The following NUDCD2 variants were observed in gnomAD, a reference collection of about 807,000 sequenced individuals.
The protein encoded by NUDCD2 is NudC domain containing 2.
In NUDCD2, 16 loss-of-function variants were observed where a neutral mutation model predicts 20.8. The ratio of observed to expected loss-of-function variants is 0.77; its 90% CI spans 0.52 to 1.17. The LOEUF is 1.17. Ranked by LOEUF, NUDCD2 falls within the 50% of genes most tolerant of loss-of-function variation. The pLI, the probability that NUDCD2 is intolerant of heterozygous loss-of-function variation, is 0.00. For missense variants in NUDCD2, 199 were observed against 193.9 expected (o/e 1.03, Z -0.16); for synonymous variants, 87 against 72.8 (o/e 1.20, Z -1.00).
At chr5:163,459,183 A>G (rs1758405006) in intron 1 of NUDCD2, 1 of 152,232 alleles carries the variant, frequency 6.6e-6, no homozygotes, top group African/African-American at 2.4e-5. Context: ...CTGCCATCAA[A>G]CATCTTGGGC....
In NUDCD2 at chr5:163,459,889, C is replaced by G; in HGVS notation, c.162G>C (p.Leu54=). ...TGAGGATCTCGCGGCCGCCCACCGACAGCGCCACATGCCGGCTCTGGAGGC... is the reference window on the plus strand; with the variant it reads ...TGAGGATCTCGCGGCCGCCCACCGAGAGCGCCACATGCCGGCTCTGGAGGC... The part of the protein sequence containing the change: ...QCGLQSRHVA[L]SVGGREILKG... Residue 54 remains leucine (L), a synonymous_variant, in exon 1 of 4, where the codon CTG becomes CTC. Coordinates refer to ENST00000302764, the MANE Select transcript of NUDCD2 (RefSeq NM_145266.6). The G allele has an allele frequency of 6.2e-7, 1 of 1,607,620 alleles. No individual in the cohort carries two copies. The highest frequency in any genetic ancestry group is 8.5e-7 in the Non-Finnish European group (1 of 1,177,652).
rs1561623275 is a variant in NUDCD2, at chr5:163,447,307, TAGGCATAGTG to T, written c.*6650_*6659del. On this transcript the variant is annotated 3_prime_UTR_variant, in exon 4 of 4. Transcript: ENST00000302764. Reference sequence around the variant, plus strand: ...TCTCTACAAAAAATCAAAAATTAGCTAGGCATAGTGATATACATCTGTAGTCCTAGGTACT... The same window carrying T: ...TCTCTACAAAAAATCAAAAATTAGCTATATACATCTGTAGTCCTAGGTACT... 6.6e-6 allele frequency: 1 copy of T among 152,102 alleles called. No individual in the cohort carries two copies. Among genetic ancestry groups the T allele is most frequent in the Non-Finnish European group, 1.5e-5 (1 of 68,032 alleles). The allele number at this position is 152,102 out of a possible 1,614,324, so 9.4% of individuals were successfully genotyped here.
At chr5:163,455,735 GAAAAA>G (rs80324793) in intron 3 of NUDCD2, among the ~76,000 whole-genome samples, 1 of 108,814 alleles carries the variant, frequency 9.2e-6, no homozygotes, top group Non-Finnish European at 2.0e-5. Flanking sequence ...CTCCATCTCA[GAAAAA>G]AAAAAAAAAA....
intron 3 of NUDCD2, among the ~76,000 whole-genome samples, chr5:163,454,341 TTTA>T (rs968716136): frequency 1.3e-5 from 2 of 152,144 alleles, no homozygotes; most frequent in East Asian, 1.9e-4. Flanking sequence ...TTTTATTTTA[TTTA>T]TTATTATTTT....
chr5:163,458,514 C>G, intron 1 of NUDCD2, among the ~76,000 whole-genome samples: 1 of 152,172 alleles, frequency 6.6e-6, no homozygotes, highest in South Asian at 2.1e-4. Context: ...TTGCTTGACC[C>G]CATGGGTTTG....
Position 163,448,778 on chromosome 5 carries a change from G to C in NUDCD2, c.*5189C>G, listed in dbSNP as rs1421550231. The C allele has an allele frequency of 6.6e-6, 1 of 152,172 alleles. No homozygotes were observed. Among genetic ancestry groups the C allele is most frequent in the Admixed American group, 6.5e-5 (1 of 15,280 alleles). 9.4% of individuals were successfully genotyped at this position (152,172 alleles called of 1,614,324 possible). On this transcript the variant is annotated 3_prime_UTR_variant, in exon 4 of 4. Transcript: ENST00000302764. ...AAGCTGAATAATGTACCATGACCAA[G>C]TTTGGGGTTGGGAGGAAATATAAGC...
intron 3 of NUDCD2, 88 bp downstream of exon 3, chr5:163,456,841 T>C: frequency 1.0e-6 from 1 of 977,488 alleles, no homozygotes. Context: ...TAACTTTTCA[T>C]AATGACATTT....
chr5:163,460,046 G>T lies in NUDCD2; in HGVS notation c.5C>A (p.Ser2Ter), dbSNP rs777000931. 1 of 1,577,734 alleles carries T rather than the reference G, an allele frequency of 6.3e-7. No individual in the cohort carries two copies. The highest frequency in any genetic ancestry group is 1.4e-5 in the African/African-American group (1 of 73,404). The change falls in exon 1 of 4, where the codon TCG (serine) becomes TAG (stop). Residue 2 changes from serine (S) to a stop codon, truncating the protein, a stop_gained. Coordinates refer to ENST00000302764, the MANE Select transcript of NUDCD2 (RefSeq NM_145266.6). LOFTEE classifies it high-confidence loss of function. ...CCCACTCCGCTCCTCAAACGGGGCC[G>T]ACATAATCCAGTCCCTCCCGGCCGC... is the stretch of plus-strand genomic sequence containing the variant. M[S>*]APFEERSGVV... is the part of the protein sequence containing the mutation.
intron 1 of NUDCD2, chr5:163,458,875 A>T (rs1581180859): frequency 6.6e-6 from 1 of 152,244 alleles, no homozygotes; most frequent in East Asian, 1.9e-4. Context: ...CAGAAAAGTA[A>T]CTGAGATCCA....
chr5:163,448,388 C>G lies in NUDCD2; in HGVS notation c.*5579G>C, dbSNP rs1283553678. 2 of 152,084 alleles carry G rather than the reference C, an allele frequency of 1.3e-5. No homozygotes were observed. The highest frequency in any genetic ancestry group is 2.9e-5 in the Non-Finnish European group (2 of 68,016). The allele number at this position is 152,084 out of a possible 1,614,324, so 9.4% of individuals were successfully genotyped here. ...AAGAAAAGATAACAGTATAGATCCT[C>G]ATTAGAACGACACAAAGAAAATACC... On this transcript the variant is annotated 3_prime_UTR_variant, in exon 4 of 4. Coordinates refer to ENST00000302764, the MANE Select transcript of NUDCD2 (RefSeq NM_145266.6).
rs914978468 is a variant in NUDCD2, at chr5:163,451,452, C to CT, written c.*2514dup. 2.0e-5 allele frequency: 3 copies of CT among 152,110 alleles called. No homozygotes were observed. Among genetic ancestry groups the CT allele is most frequent in the African/African-American group, 4.8e-5 (2 of 41,408 alleles). The allele number at this position is 152,110 out of a possible 1,614,324, so 9.4% of individuals were successfully genotyped here. ...TACGGTGATTGAACTCTTCAATACT[C>CT]TGACTGTGGAGGTGTTTACACATAT... On this transcript the variant is annotated 3_prime_UTR_variant, in exon 4 of 4. Transcript: ENST00000302764.
In NUDCD2 at chr5:163,446,701, C is replaced by G. The variant is rs1413089600; in HGVS notation, c.*7266G>C. 1 of 152,032 alleles carries G rather than the reference C, an allele frequency of 6.6e-6. No individual in the cohort carries two copies. The highest frequency in any genetic ancestry group is 1.9e-4 in the East Asian group (1 of 5,196). The allele number at this position is 152,032 out of a possible 1,614,324, so 9.4% of individuals were successfully genotyped here. A position where few individuals can be genotyped will look rare whatever the true frequency, so the allele number is the denominator to read the frequency against. On this transcript the variant is annotated 3_prime_UTR_variant, in exon 4 of 4. Transcript: ENST00000302764. ...AAACCAAAAAACAGTAAACATGAGT[C>G]AAGATGAATTAAAAGATAAGCCAAT... is the stretch of plus-strand genomic sequence containing the variant.
rs1241082286 is a variant in NUDCD2, at chr5:163,453,255, A to G, written c.*712T>C. On this transcript the variant is annotated 3_prime_UTR_variant, in exon 4 of 4. Transcript: ENST00000302764. ...AAATGTCTATAGACAATTCCTACCT[A>G]TATGCCTAAATCACTTACAATCAAA... 1 of 152,212 alleles carries G rather than the reference A, an allele frequency of 6.6e-6. No individual in the cohort carries two copies. Among genetic ancestry groups the G allele is most frequent in the Non-Finnish European group, 1.5e-5 (1 of 68,022 alleles). The allele number at this position is 152,212 out of a possible 1,614,324, so 9.4% of individuals were successfully genotyped here.
In NUDCD2 at chr5:163,453,984, A is replaced by G; in HGVS notation, c.457T>C (p.Ser153Pro). 1 of 1,540,316 alleles carries G rather than the reference A, an allele frequency of 6.5e-7. No homozygotes were observed. The highest frequency in any genetic ancestry group is 1.3e-5 in the South Asian group (1 of 78,298). ...GNYTKGGPDFSNLEK is the reference protein window; with the variant it reads ...GNYTKGGPDFPNLEK ...AAAAGCAGTTATTTCTCAAGGTTTG[A>G]GAAATCTGGTCCACCTTTAGTGTAG... is the stretch of plus-strand genomic sequence containing the variant. The change falls in exon 4 of 4, where the codon TCA becomes CCA. Residue 153 changes from serine to proline, a missense_variant. Ser to Pro is a moderately conservative substitution (Grantham distance 74, BLOSUM62 -1). Coordinates refer to ENST00000302764, the MANE Select transcript of NUDCD2 (RefSeq NM_145266.6).
Position 163,449,684 on chromosome 5 carries a change from G to C in NUDCD2, c.*4283C>G, listed in dbSNP as rs1232904436. On this transcript the variant is annotated 3_prime_UTR_variant, in exon 4 of 4. Coordinates refer to ENST00000302764, the MANE Select transcript of NUDCD2 (RefSeq NM_145266.6). ...GTTTTAAGACTTACTATAAAGCTGT[G>C]ATAATCAAGGCAATCTGGTATTTAT... 6.6e-6 allele frequency: 1 copy of C among 152,140 alleles called. No individual in the cohort carries two copies. The highest frequency in any genetic ancestry group is 1.9e-4 in the East Asian group (1 of 5,196). The allele number at this position is 152,140 out of a possible 1,614,324, so 9.4% of individuals were successfully genotyped here.
In NUDCD2 at chr5:163,454,444, C is replaced by A. The variant is rs927676402; in HGVS notation, c.391-394G>T. 2.6e-5 allele frequency among the ~76,000 whole-genome samples: 4 copies of A among 152,120 alleles called. No homozygotes were observed. The South Asian group carries it at 6.2e-4, about 24-fold the overall frequency. On this transcript the variant is annotated intron_variant, in intron 3 of 3. Transcript: ENST00000302764. Reference sequence around the variant, plus strand: ...ATAATCTCTGCCTCCCAGGTTCAAGCGATTCTCCTGCCTAAGCCTCCCGAG... The same window carrying A: ...ATAATCTCTGCCTCCCAGGTTCAAGAGATTCTCCTGCCTAAGCCTCCCGAG...
rs1239276939 is a variant in NUDCD2, at chr5:163,459,888, A to T, written c.163T>A (p.Ser55Thr). The T allele has an allele frequency of 6.2e-7, 1 of 1,608,106 alleles. No individual in the cohort carries two copies. Among genetic ancestry groups the T allele is most frequent in the Non-Finnish European group, 8.5e-7 (1 of 1,177,770 alleles). Residue 55 changes from serine to threonine, a missense_variant, in exon 1 of 4, where the codon TCG becomes ACG. Ser to Thr is a moderately conservative substitution (Grantham distance 58). Coordinates refer to ENST00000302764, the MANE Select transcript of NUDCD2 (RefSeq NM_145266.6). Reference sequence around the variant, plus strand: ...TTGAGGATCTCGCGGCCGCCCACCGACAGCGCCACATGCCGGCTCTGGAGG... The same window carrying T: ...TTGAGGATCTCGCGGCCGCCCACCGTCAGCGCCACATGCCGGCTCTGGAGG... The part of the protein sequence containing the change: ...CGLQSRHVAL[S>T]VGGREILKGK...
In NUDCD2 at chr5:163,452,437, A is replaced by G. The variant is rs1758201313; in HGVS notation, c.*1530T>C. 1 of 152,224 alleles carries G rather than the reference A, an allele frequency of 6.6e-6. No individual in the cohort carries two copies. Among genetic ancestry groups the G allele is most frequent in the Non-Finnish European group, 1.5e-5 (1 of 68,040 alleles). The allele number at this position is 152,224 out of a possible 1,614,324, so 9.4% of individuals were successfully genotyped here. A position where few individuals can be genotyped will look rare whatever the true frequency, so the allele number is the denominator to read the frequency against. On this transcript the variant is annotated 3_prime_UTR_variant, in exon 4 of 4. Coordinates refer to ENST00000302764, the MANE Select transcript of NUDCD2 (RefSeq NM_145266.6). ...AATGTGTCAGAAGGACACAGAGGCC[A>G]CCCAGAATGGACTTCTACCAGCCAA... is the stretch of plus-strand genomic sequence containing the variant.
rs1561631567 is a variant in NUDCD2 at position 163,459,815 on chromosome 5, GGC to G, written c.189+45_189+46del. On this transcript the variant is annotated intron_variant, in intron 1 of 3. Coordinates refer to ENST00000302764, the MANE Select transcript of NUDCD2 (RefSeq NM_145266.6). ...AGTCGTTCAGGGAAACGGGGCTGGGGGCGTCTGGGAAGAGGAAACTGAACACA... is the reference window on the plus strand; with the variant it reads ...AGTCGTTCAGGGAAACGGGGCTGGGGGTCTGGGAAGAGGAAACTGAACACA... 3.3e-6 allele frequency: 5 copies of G among 1,520,064 alleles called. No individual in the cohort carries two copies. The East Asian group carries it at 9.2e-5, about 28-fold the overall frequency. The allele number at this position is 1,520,064 out of a possible 1,614,324, so 94.2% of individuals were successfully genotyped here.
Sources: allele counts gnomAD v4.1 joint callset (sites outside exome capture counted in the v4.1 genomes callset), GRCh38; gene constraint gnomAD v4.1.1; transcripts MANE v1.5; gene names NCBI Gene and HGNC (gene_info 2026-07-23, HGNC 2026-07-21).